The following PITPNC1 variants were observed in gnomAD, a reference collection of about 807,000 sequenced individuals.
PITPNC1 encodes cytoplasmic phosphatidylinositol transfer protein 1.
PITPNC1 carries 18 observed loss-of-function variants against 44.7 expected under a neutral mutation model. That is an observed-to-expected ratio of 0.40 (90% CI 0.28 to 0.60). PITPNC1 has a LOEUF of 0.60. Ranked by LOEUF, PITPNC1 falls within the 20% of genes least tolerant of loss-of-function variation. PITPNC1 has a pLI of 0.39. For synonymous variants in PITPNC1, 141 were observed against 149.6 expected (o/e 0.94, Z 0.42); for missense variants, 290 against 418.4 (o/e 0.69, Z 2.68).
At chr17:67,417,407 G>C (rs2038605105) in intron 1 of PITPNC1, among the ~76,000 whole-genome samples, 1 of 152,108 alleles carries the variant, frequency 6.6e-6, no homozygotes, top group Non-Finnish European at 1.5e-5. Flanking sequence ...TGAGATTACA[G>C]GTGTGAGCAG....
At chr17:67,396,604 A>G (rs1377492615) in intron 1 of PITPNC1, among the ~76,000 whole-genome samples, 2 of 151,914 alleles carry the variant, frequency 1.3e-5, no homozygotes, top group African/African-American at 4.8e-5. Flanking sequence ...TCCTGACCTC[A>G]GGTGATCCAC....
rs141605687 is a variant in PITPNC1 at position 67,569,891 on chromosome 17, GGA to G, written c.295-8286_295-8285del. On this transcript the variant is annotated intron_variant, in intron 4 of 8. Coordinates refer to ENST00000581322, the MANE Select transcript of PITPNC1 (RefSeq NM_012417.4). The stretch of plus-strand genomic sequence containing the variant: ...AAGCTGTGCCTTTAGTCAAGAAGAG[GGA>G]GAGAGAGATAAAAAAGAAAAGATTT... Among the ~76,000 whole-genome samples the G allele has an allele frequency of 6.3e-3, 956 of 152,228 alleles. 15 individuals carry two copies. The highest frequency in any genetic ancestry group is 0.022 in the African/African-American group (913 of 41,532).
At chr17:67,405,492 A>T (rs1057421243) in intron 1 of PITPNC1, among the ~76,000 whole-genome samples, 5 of 152,088 alleles carry the variant, frequency 3.3e-5, no homozygotes, top group Middle Eastern at 3.4e-3. Flanking sequence ...CTGTTCAAAA[A>T]TTTTTATTTT....
intron 6 of PITPNC1, among the ~76,000 whole-genome samples, chr17:67,653,159 G>GT (rs2042227698): frequency 6.6e-6 from 1 of 152,084 alleles, no homozygotes; most frequent in Admixed American, 6.6e-5. Flanking sequence ...GTGGGCGCCT[G>GT]TAGTCCCAGC....
intron 1 of PITPNC1, among the ~76,000 whole-genome samples, chr17:67,507,790 T>TTACTAC (rs2040127143): frequency 6.6e-6 from 1 of 151,920 alleles, no homozygotes; most frequent in Non-Finnish European, 1.5e-5. Context: ...GTTCTTTCTC[T>TTACTAC]TACTGGTCCT....
chr17:67,497,529 C>CTTTT (rs34364657), intron 1 of PITPNC1, among the ~76,000 whole-genome samples: 884 of 87,478 alleles, frequency 0.01, 28 homozygotes, highest in East Asian at 0.015. Context: ...TTGTTCGTGT[C>CTTTT]TTTTTTTTTT....
intron 4 of PITPNC1, among the ~76,000 whole-genome samples, chr17:67,554,042 T>A (rs1440865158): frequency 6.6e-6 from 1 of 152,166 alleles, no homozygotes; most frequent in Non-Finnish European, 1.5e-5. Flanking sequence ...GAGGCACATG[T>A]GCAAACTATT....
chr17:67,549,115 G>A (rs145543102), intron 2 of PITPNC1, among the ~76,000 whole-genome samples: 84 of 152,278 alleles, frequency 5.5e-4, no homozygotes, highest in African/African-American at 1.9e-3. Context: ...TACCTCTCGC[G>A]TCTGGCCTGG....
intron 1 of PITPNC1, among the ~76,000 whole-genome samples, chr17:67,503,757 A>C (rs1355015536): frequency 6.6e-6 from 1 of 152,172 alleles, no homozygotes; most frequent in East Asian, 1.9e-4. Flanking sequence ...CCTGAAGAAC[A>C]TACAATGGAT....
intron 1 of PITPNC1, among the ~76,000 whole-genome samples, chr17:67,519,636 G>A (rs1175585296): frequency 6.6e-6 from 1 of 152,060 alleles, no homozygotes; most frequent in Non-Finnish European, 1.5e-5. Flanking sequence ...AACACTCTTA[G>A]GCCAACTATG....
chr17:67,678,248 A>C (rs1382355423), intron 8 of PITPNC1, among the ~76,000 whole-genome samples: 3 of 152,112 alleles, frequency 2.0e-5, no homozygotes, highest in African/African-American at 7.2e-5. Flanking sequence ...TGGGATTACA[A>C]CAGGAGCCCA....
intron 5 of PITPNC1, among the ~76,000 whole-genome samples, chr17:67,594,836 T>G (rs1039308487): frequency 6.6e-6 from 1 of 152,220 alleles, no homozygotes; most frequent in Non-Finnish European, 1.5e-5. Flanking sequence ...CCCTGTCAAA[T>G]GAGTATCATG....
intron 5 of PITPNC1, among the ~76,000 whole-genome samples, chr17:67,619,613 G>C (rs950555496): frequency 1.3e-5 from 2 of 152,144 alleles, no homozygotes; most frequent in African/African-American, 4.8e-5. Context: ...AACATGCACA[G>C]TGCCCGCAGA....
chr17:67,519,231 C>T (rs2040296801), intron 1 of PITPNC1, among the ~76,000 whole-genome samples: 2 of 131,346 alleles, frequency 1.5e-5, no homozygotes, highest in South Asian at 4.7e-4. Context: ...GGCTGGAGTG[C>T]AGTGGCACGA....
chr17:67,495,072 T>C (rs917366450), intron 1 of PITPNC1, among the ~76,000 whole-genome samples: 1 of 119,376 alleles, frequency 8.4e-6, no homozygotes, highest in Non-Finnish European at 1.7e-5. Flanking sequence ...TTTTTTTTTT[T>C]TTGAGACGGA....
At chr17:67,596,400 A>G (rs2041460368) in intron 5 of PITPNC1, among the ~76,000 whole-genome samples, 1 of 152,214 alleles carries the variant, frequency 6.6e-6, no homozygotes, top group African/African-American at 2.4e-5. Flanking sequence ...GCTTTAAAAA[A>G]AAAGTGATCC....
intron 5 of PITPNC1, among the ~76,000 whole-genome samples, chr17:67,600,542 T>C (rs962725132): frequency 6.6e-6 from 1 of 152,060 alleles, no homozygotes; most frequent in African/African-American, 2.4e-5. Context: ...GACTGAATCA[T>C]TGAAATGAAA....
At chr17:67,595,080 A>G (rs915865713) in intron 5 of PITPNC1, among the ~76,000 whole-genome samples, 7 of 152,204 alleles carry the variant, frequency 4.6e-5, no homozygotes, top group Non-Finnish European at 1.0e-4. Flanking sequence ...CTTAGAATCA[A>G]TGAATTAATT....
intron 5 of PITPNC1, 81 bp downstream of exon 5, chr17:67,578,338 A>G: frequency 1.0e-6 from 1 of 953,774 alleles, no homozygotes; most frequent in Admixed American, 1.8e-5. Context: ...CTCTGTGACC[A>G]GGGCCAGCAG....
Sources: gnomAD v4.1 joint callset for allele counts (sites outside exome capture counted in the v4.1 genomes callset) on GRCh38, gnomAD v4.1.1 for gene constraint, MANE v1.5 for transcripts, NCBI Gene and HGNC (gene_info 2026-07-23, HGNC 2026-07-21) for gene names.